Variants in HPCAL1 observed in about 807,000 individuals in gnomAD.
The protein encoded by HPCAL1 is hippocalcin like 1, also known as hippocalcin-like protein 1.
Under a neutral mutation model 17.1 loss-of-function variants are expected in HPCAL1, and 8 were observed. The ratio of observed to expected loss-of-function variants is 0.47; its 90% confidence interval spans 0.27 to 0.84. The LOEUF (loss-of-function observed/expected upper bound fraction) is 0.84, where lower values mean the gene tolerates loss of function less well. Among genes scored for constraint, HPCAL1 ranks in the 40% least tolerant of loss-of-function variants. The probability of loss-of-function intolerance (pLI) is 0.13; values close to 1 mark genes in which losing one functional copy is unlikely to be tolerated. For missense variants in HPCAL1, 165 were observed against 271.1 expected, an observed-to-expected ratio of 0.61 and a Z score of 2.75; for synonymous variants, 112 against 111.4, an observed-to-expected ratio of 1.01 and a Z score of -0.03.
At chr2:10,315,463 C>T (rs1363689405) in intron 1 of HPCAL1, among the ~76,000 whole-genome samples, 2 of 152,110 alleles carry the variant, frequency 1.3e-5, no homozygotes, top group Non-Finnish European at 2.9e-5. Context: ...TCTAAATTTT[C>T]ACCAGTGGGC....
intron 1 of HPCAL1, among the ~76,000 whole-genome samples, chr2:10,326,886 TCCCTAGATTTGGCTGAGCTGGGC>T (rs1664052848): frequency 6.6e-6 from 1 of 151,852 alleles, no homozygotes; most frequent in South Asian, 2.1e-4. Context: ...TCCTCCACTC[TCCCTAGATTTGGCTGAGCTGGGC>T]CCCTGCTGTG....
intron 1 of HPCAL1, among the ~76,000 whole-genome samples, chr2:10,355,908 C>T (rs1344874132): frequency 1.3e-5 from 2 of 152,148 alleles, no homozygotes; most frequent in African/African-American, 4.8e-5. Flanking sequence ...CCGGGAGCCC[C>T]TGCCGGAGGA....
At chr2:10,424,566 C>T (rs765352021) in intron 4 of HPCAL1, 4 of 471,128 alleles carry the variant, frequency 8.5e-6, no homozygotes, top group South Asian at 6.2e-5. Context: ...CTGCCCGAAT[C>T]TGCCTCCTGG....
At chr2:10,387,350 G>A (rs957197035) in intron 1 of HPCAL1, among the ~76,000 whole-genome samples, 5 of 152,266 alleles carry the variant, frequency 3.3e-5, no homozygotes, top group South Asian at 2.1e-4. Context: ...AGGGCCATGC[G>A]GTGACGCACT....
chr2:10,324,298 T>C lies in HPCAL1; in HGVS notation c.-111+21121T>C, dbSNP rs533963574. The C allele has an allele frequency of 2.0e-5, 3 of 152,320 alleles. No individual in the cohort carries two copies. The South Asian group carries it at 6.2e-4, about 32-fold the overall frequency. 9.4% of individuals were successfully genotyped at this position (152,320 alleles called of 1,614,324 possible). A position where few individuals can be genotyped will look rare whatever the true frequency, so the allele number is the denominator to read the frequency against. ...ACAGCTCTATTGTGTAAGTGGTCTG[T>C]TATTTGGGAATTCTTCCTTAGGTCA... On this transcript the variant is annotated intron_variant, in intron 1 of 4. Coordinates refer to ENST00000307845, the MANE Select transcript of HPCAL1 (RefSeq NM_002149.4).
At chr2:10,352,366 C>T (rs1391686443) in intron 1 of HPCAL1, among the ~76,000 whole-genome samples, 1 of 152,152 alleles carries the variant, frequency 6.6e-6, no homozygotes, top group Non-Finnish European at 1.5e-5. Flanking sequence ...CTTTGTAGCC[C>T]CTTCTCAAGA....
At chr2:10,370,212 C>T (rs1227699549) in intron 1 of HPCAL1, among the ~76,000 whole-genome samples, 1 of 152,256 alleles carries the variant, frequency 6.6e-6, no homozygotes, top group Non-Finnish European at 1.5e-5. Flanking sequence ...CCCCAAATCG[C>T]CTCTGCTTTT....
intron 1 of HPCAL1, among the ~76,000 whole-genome samples, chr2:10,386,580 T>C (rs972605727): frequency 6.6e-6 from 1 of 152,030 alleles, no homozygotes; most frequent in African/African-American, 2.4e-5. Context: ...TGGGAGAGTC[T>C]CAAATTTTTG....
chr2:10,343,362 G>A lies in HPCAL1; in HGVS notation c.-111+40185G>A, dbSNP rs373243228. 3.7e-4 allele frequency among the ~76,000 whole-genome samples: 57 copies of A among 152,342 alleles called. 1 individual carries two copies. The highest frequency in any genetic ancestry group is 1.3e-3 in the African/African-American group (55 of 41,576). Reference sequence around the variant, plus strand: ...GACTCTCTTCTAGGAGCAAGATGATGCTAATTCTCACTAGCATGTGAAGGA... The same window carrying A: ...GACTCTCTTCTAGGAGCAAGATGATACTAATTCTCACTAGCATGTGAAGGA... On this transcript the variant is annotated intron_variant, in intron 1 of 4. Coordinates refer to ENST00000307845, the MANE Select transcript of HPCAL1 (RefSeq NM_002149.4). This position sits in a 1 kb window ranked among gnomAD's most constrained non-coding sequence, Gnocchi z 4.8.
rs1295967976 is a variant in HPCAL1, at chr2:10,344,736, T to C, written c.-111+41559T>C. 6.6e-6 allele frequency among the ~76,000 whole-genome samples: 1 copy of C among 152,186 alleles called. No individual in the cohort carries two copies. The highest frequency in any genetic ancestry group is 1.5e-5 in the Non-Finnish European group (1 of 68,042). On this transcript the variant is annotated intron_variant, in intron 1 of 4. Transcript: ENST00000307845. The surrounding 1 kb of genome is among the most constrained non-coding windows in gnomAD (Gnocchi z 4.9). ...CTCTGTGTCTGTCTGTCTGTCTCTA[T>C]GTGTCTGTTTCTCTCTCCCTCTTTC... is the stretch of plus-strand genomic sequence containing the variant.
At position 10,384,016 on chromosome 2, in the gene HPCAL1, T is replaced by TACAC. The variant is rs70948888; in HGVS notation, c.-110-12810_-110-12807dup. On this transcript the variant is annotated intron_variant, in intron 1 of 4. Coordinates refer to ENST00000307845, the MANE Select transcript of HPCAL1 (RefSeq NM_002149.4). This position sits in a 1 kb window ranked among gnomAD's most constrained non-coding sequence, Gnocchi z 4.4. ...TAATTACACATGCATATACATCGCG[T>TACAC]ACACACACACACCCACACACACACA... 4.1e-5 allele frequency among the ~76,000 whole-genome samples: 6 copies of TACAC among 147,212 alleles called. No individual in the cohort carries two copies. The highest frequency in any genetic ancestry group is 9.2e-5 in the Non-Finnish European group (6 of 65,498).
At chr2:10,350,869 C>A (rs1366940311) in intron 1 of HPCAL1, among the ~76,000 whole-genome samples, 3 of 152,116 alleles carry the variant, frequency 2.0e-5, no homozygotes, top group Non-Finnish European at 4.4e-5. Flanking sequence ...CACATGAAAA[C>A]AACAGCGATA....
At chr2:10,341,471 C>A (rs910162494) in intron 1 of HPCAL1, among the ~76,000 whole-genome samples, 2 of 151,552 alleles carry the variant, frequency 1.3e-5, no homozygotes, top group Non-Finnish European at 2.9e-5. Flanking sequence ...ACAACAACAA[C>A]AAATTGTGGC....
At chr2:10,404,549 G>A (rs575261896) in intron 2 of HPCAL1, among the ~76,000 whole-genome samples, 87 of 152,312 alleles carry the variant, frequency 5.7e-4, no homozygotes, top group Non-Finnish European at 1.1e-3. Flanking sequence ...CCCCAGAGAC[G>A]GAGATGAGAG....
intron 1 of HPCAL1, among the ~76,000 whole-genome samples, chr2:10,317,449 A>G (rs955446860): frequency 6.7e-6 from 1 of 148,400 alleles, no homozygotes; most frequent in Admixed American, 6.8e-5. Flanking sequence ...ACAGGGTCTC[A>G]GTCTGCCTCT....
rs989980300 is a variant in HPCAL1 at position 10,393,600 on chromosome 2, T to C, written c.-110-3235T>C. Among the ~76,000 whole-genome samples the C allele has an allele frequency of 4.6e-5, 7 of 152,202 alleles. 1 individual carries two copies. Among genetic ancestry groups the C allele is most frequent in the African/African-American group, 1.7e-4 (7 of 41,448 alleles). On this transcript the variant is annotated intron_variant, in intron 1 of 4. Coordinates refer to ENST00000307845, the MANE Select transcript of HPCAL1 (RefSeq NM_002149.4). The stretch of plus-strand genomic sequence containing the variant: ...GTGGGACAGAGGAAAGATGCCTCTG[T>C]GGAGCTGGTCACTGAGAGTGCTGGC...
chr2:10,371,626 G>A (rs959275134), intron 1 of HPCAL1, among the ~76,000 whole-genome samples: 6 of 152,126 alleles, frequency 3.9e-5, no homozygotes, highest in Non-Finnish European at 7.4e-5. Flanking sequence ...TGTTGCCTTT[G>A]TTCCCAGGGC....
chr2:10,366,588 A>T (rs965575120), intron 1 of HPCAL1, among the ~76,000 whole-genome samples: 1 of 152,204 alleles, frequency 6.6e-6, no homozygotes, highest in African/African-American at 2.4e-5. Flanking sequence ...GTTCACAGAC[A>T]GATGTTCCAA....
chr2:10,389,345 T>C (rs549586741), intron 1 of HPCAL1, among the ~76,000 whole-genome samples: 1 of 152,344 alleles, frequency 6.6e-6, no homozygotes, highest in Admixed American at 6.5e-5. Context: ...CAAGGAACAG[T>C]CCCTCTGCTG....
Sources: gnomAD v4.1 joint callset for allele counts (sites outside exome capture counted in the v4.1 genomes callset) on GRCh38, gnomAD v4.1.1 for gene constraint, Gnocchi (gnomAD v3.1) non-coding constraint, MANE v1.5 for transcripts, NCBI Gene and HGNC (gene_info 2026-07-23, HGNC 2026-07-21) for gene names.